PAQR6: variants seen among roughly 807,000 people sequenced by gnomAD.
PAQR6 encodes progestin and adipoQ receptor family member 6, also known as membrane progestin receptor delta.
Under a neutral mutation model 36.2 loss-of-function variants are expected in PAQR6, and 34 were observed. The observed-to-expected ratio is 0.94, with a 90% CI of 0.71 to 1.25. The LOEUF is 1.25. Among genes scored for constraint, PAQR6 ranks in the 50% most tolerant of loss-of-function variants. The pLI, the probability that PAQR6 is intolerant of heterozygous loss-of-function variation, is 0.00. For synonymous variants in PAQR6, 190 were observed against 190.7 expected (o/e 1.00, Z 0.03); for missense variants, 431 against 445.7 (o/e 0.97, Z 0.30).
intron 2 of PAQR6, 108 bp from the exon 3 acceptor site, chr1:156,246,358 C>A: frequency 9.5e-7 from 1 of 1,054,096 alleles, no homozygotes; most frequent in Non-Finnish European, 1.4e-6. Flanking sequence ...ATCAACGTGG[C>A]CCCCAAGCCA....
Position 156,243,970 on chromosome 1 carries a change from C to T in PAQR6, c.*159G>A. On this transcript the variant is annotated 3_prime_UTR_variant, in exon 8 of 8. Coordinates refer to ENST00000292291, the MANE Select transcript of PAQR6 (RefSeq NM_198406.3). ...ACACTCTGCCAGTCCCCCTAGACAC[C>T]CCTCCTCTTCTCTGCCCTCTCTCCT... 1 of 1,614,176 alleles carries T rather than the reference C, an allele frequency of 6.2e-7. No individual in the cohort carries two copies.
Position 156,246,212 on chromosome 1 carries a change from G to C in PAQR6, c.90C>G (p.Arg30=). 1 of 1,613,744 alleles carries C rather than the reference G, an allele frequency of 6.2e-7. No homozygotes were observed. The highest frequency in any genetic ancestry group is 8.5e-7 in the Non-Finnish European group (1 of 1,179,990). The change falls in exon 3 of 8, where the codon CGC becomes CGG. Residue 30 remains arginine, a synonymous_variant. Transcript: ENST00000292291. ...CACAGTCCAAAGCCGAGCTGGTGGG[G>C]CGGCGGTAGCCAGACATGATGCCAT... ...WEDGIMSGYR[R]PTSSALDCVL... is the part of the protein sequence containing the mutation.
chr1:156,245,935 C>G lies in PAQR6; in HGVS notation c.232G>C (p.Glu78Gln). ...ALAGGPGFRAEPYHWPLLVFL... is the reference protein window; with the variant it reads ...ALAGGPGFRAQPYHWPLLVFL... ...ACCAGCAGCGGCCAGTGGTACGGCT[C>G]CGCACGGAAGCCGGGGCCGCCCGCC... Residue 78 changes from glutamate (E) to glutamine (Q), a missense_variant, in exon 4 of 8, where the codon GAG becomes CAG. By Grantham distance (29) the Glu-to-Gln change is conservative. Coordinates refer to ENST00000292291, the MANE Select transcript of PAQR6 (RefSeq NM_198406.3). 6.5e-7 allele frequency: 1 copy of G among 1,545,278 alleles called. No individual in the cohort carries two copies. Among genetic ancestry groups the G allele is most frequent in the Non-Finnish European group, 8.7e-7 (1 of 1,147,154 alleles).
In PAQR6 at chr1:156,246,225, G is replaced by A. The variant is rs774365036; in HGVS notation, c.77C>T (p.Ser26Phe). 1.9e-6 allele frequency: 3 copies of A among 1,613,482 alleles called. No homozygotes were observed. The highest frequency in any genetic ancestry group is 2.5e-6 in the Non-Finnish European group (3 of 1,179,884). The part of the protein sequence containing the change: ...PRVFWEDGIM[S>F]GYRRPTSSAL... ...CGAGCTGGTGGGGCGGCGGTAGCCAGACATGATGCCATCTTCCCAGAACAC... is the reference window on the plus strand; with the variant it reads ...CGAGCTGGTGGGGCGGCGGTAGCCAAACATGATGCCATCTTCCCAGAACAC... Residue 26 changes from serine to phenylalanine, a missense_variant, in exon 3 of 8, where the codon TCT becomes TTT. Ser to Phe is a radical substitution (Grantham distance 155). Coordinates refer to ENST00000292291, the MANE Select transcript of PAQR6 (RefSeq NM_198406.3).
chr1:156,244,392 G>A lies in PAQR6; in HGVS notation c.772C>T (p.Gln258Ter). The A allele has an allele frequency of 2.0e-6, 3 of 1,525,314 alleles. No homozygotes were observed. The South Asian group carries it at 3.6e-5, about 18-fold the overall frequency. 94.5% of individuals were successfully genotyped at this position (1,525,314 alleles called of 1,614,324 possible). A position where few individuals can be genotyped will look rare whatever the true frequency, so the allele number is the denominator to read the frequency against. ...GRFDYIGHSH[Q>*]LFHICAVLGT... Reference sequence around the variant, plus strand: ...AGCACTGCACAGATGTGGAATAACTGGTGGCTGTGGCCTGTGGAGAGGATG... The same window carrying A: ...AGCACTGCACAGATGTGGAATAACTAGTGGCTGTGGCCTGTGGAGAGGATG... The change falls in exon 8 of 8, where the codon CAG becomes TAG. Residue 258 changes from glutamine to a stop codon, truncating the protein, a stop_gained. Transcript: ENST00000292291. LOFTEE classifies it high-confidence loss of function.
intron 4 of PAQR6, 56 bp downstream of exon 4, chr1:156,245,726 C>G (rs1257478877): frequency 1.1e-5 from 17 of 1,575,390 alleles, no homozygotes; most frequent in Non-Finnish European, 1.5e-5. Context: ...CGCGTCCCAC[C>G]CCTCGCCCCG....
rs1371454698 is a variant in PAQR6 at position 156,244,897 on chromosome 1, C to G, written c.624G>C (p.Trp208Cys). 2 of 1,612,758 alleles carry G rather than the reference C, an allele frequency of 1.2e-6. No individual in the cohort carries two copies. Among genetic ancestry groups the G allele is most frequent in the Non-Finnish European group, 1.7e-6 (2 of 1,179,872 alleles). The change falls in exon 7 of 8, where the codon TGG becomes TGC. Residue 208 changes from tryptophan (W) to cysteine (C), a missense_variant. By Grantham distance (215) the Trp-to-Cys change is radical. Transcript: ENST00000292291. The part of the protein sequence containing the change: ...LPLFYRLGLC[W>C]GRGHGCGQEA... Reference sequence around the variant, plus strand: ...CCTGCCCACAGCCGTGGCCCCTGCCCCAGCACAGCCCGAGCTGTCAAAGGA... The same window carrying G: ...CCTGCCCACAGCCGTGGCCCCTGCCGCAGCACAGCCCGAGCTGTCAAAGGA...
intron 1 of PAQR6, 163 bp downstream of exon 1, chr1:156,247,794 G>A (rs1180944716): frequency 6.5e-6 from 2 of 306,714 alleles, no homozygotes; most frequent in Non-Finnish European, 1.4e-5. Flanking sequence ...TGAGGAATAC[G>A]CTGGGGTCTA....
At position 156,244,890 on chromosome 1, in the gene PAQR6, C is replaced by T; in HGVS notation, c.631G>A (p.Gly211Ser). Reference sequence around the variant, plus strand: ...AGGGCCTCCTGCCCACAGCCGTGGCCCCTGCCCCAGCACAGCCCGAGCTGT... The same window carrying T: ...AGGGCCTCCTGCCCACAGCCGTGGCTCCTGCCCCAGCACAGCCCGAGCTGT... ...FYRLGLCWGRGHGCGQEALST... is the reference protein window; with the variant it reads ...FYRLGLCWGRSHGCGQEALST... Residue 211 changes from glycine to serine, a missense_variant, in exon 7 of 8, where the codon GGC becomes AGC. Gly to Ser is a moderately conservative substitution (Grantham distance 56). Transcript: ENST00000292291. 6.2e-7 allele frequency: 1 copy of T among 1,612,902 alleles called. No individual in the cohort carries two copies. Among genetic ancestry groups the T allele is most frequent in the East Asian group, 2.2e-5 (1 of 44,890 alleles).
chr1:156,243,573 C>T lies in PAQR6; in HGVS notation c.*556G>A. 2.0e-6 allele frequency: 1 copy of T among 489,336 alleles called. No homozygotes were observed. Among genetic ancestry groups the T allele is most frequent in the East Asian group, 3.2e-5 (1 of 31,720 alleles). 30.3% of individuals were successfully genotyped at this position (489,336 alleles called of 1,614,324 possible). A position where few individuals can be genotyped will look rare whatever the true frequency, so the allele number is the denominator to read the frequency against. On this transcript the variant is annotated 3_prime_UTR_variant, in exon 8 of 8. Transcript: ENST00000292291. ...CATCCATAATGCACCCAGATAGGCCCACCCCCAAAAGCCTGGACACCTTGA... is the reference window on the plus strand; with the variant it reads ...CATCCATAATGCACCCAGATAGGCCTACCCCCAAAAGCCTGGACACCTTGA...
rs1659658918 is a variant in PAQR6 at position 156,243,626 on chromosome 1, A to C, written c.*503T>G. The C allele has an allele frequency of 5.2e-6, 3 of 573,250 alleles. No individual in the cohort carries two copies. Among genetic ancestry groups the C allele is most frequent in the Non-Finnish European group, 9.1e-6 (3 of 331,234 alleles). The allele number at this position is 573,250 out of a possible 1,614,324, so 35.5% of individuals were successfully genotyped here. A position where few individuals can be genotyped will look rare whatever the true frequency, so the allele number is the denominator to read the frequency against. ...ACACAGTTATGACCAGGACAGACTC[A>C]TCTCTATAGGCAAATAGCTGCTGGC... On this transcript the variant is annotated 3_prime_UTR_variant, in exon 8 of 8. Transcript: ENST00000292291.
In PAQR6 at chr1:156,245,122, G is replaced by A; in HGVS notation, c.609+20C>T. 1.2e-6 allele frequency: 2 copies of A among 1,609,412 alleles called. No homozygotes were observed. Among genetic ancestry groups the A allele is most frequent in the Non-Finnish European group, 1.7e-6 (2 of 1,176,414 alleles). On this transcript the variant is annotated intron_variant, in intron 6 of 7. Transcript: ENST00000292291. The stretch of plus-strand genomic sequence containing the variant: ...GGACAGGAAAGCAGGAGTCTGGGCA[G>A]GGGCCCTAGGCCTCCTTACCCGATA...
rs759082767 is a variant in PAQR6 at position 156,245,786 on chromosome 1, A to G, written c.381T>C (p.Ser127=). 2 of 1,595,298 alleles carry G rather than the reference A, an allele frequency of 1.3e-6. No homozygotes were observed. The highest frequency in any genetic ancestry group is 1.1e-5 in the South Asian group (1 of 88,898). Residue 127 remains serine (S), a synonymous_variant, in exon 4 of 8, where the codon AGT becomes AGC. Transcript: ENST00000292291. ...FLDYGALSLY[S]LGCAFPYAAY... The stretch of plus-strand genomic sequence containing the variant: ...TCCCGCGCCTGTCCGGCTCACCCAG[A>G]CTGTAGAGGCTGAGCGCGCCGTAGT...
At position 156,245,141 on chromosome 1, in the gene PAQR6, C is replaced by A; in HGVS notation, c.609+1G>T. On this transcript the variant is annotated splice_donor_variant, in intron 6 of 7. Coordinates refer to ENST00000292291, the MANE Select transcript of PAQR6 (RefSeq NM_198406.3). LOFTEE classifies it high-confidence loss of function. ...TGGGCAGGGGCCCTAGGCCTCCTTACCCGATAAAAGAGTGGGAGGTTGTCG... is the reference window on the plus strand; with the variant it reads ...TGGGCAGGGGCCCTAGGCCTCCTTAACCGATAAAAGAGTGGGAGGTTGTCG... The A allele has an allele frequency of 6.2e-7, 1 of 1,612,876 alleles. No homozygotes were observed. Among genetic ancestry groups the A allele is most frequent in the Non-Finnish European group, 8.5e-7 (1 of 1,179,122 alleles).
Position 156,245,536 on chromosome 1 carries a change from G to A in PAQR6, c.511C>T (p.Arg171Cys), listed in dbSNP as rs1286166057. Residue 171 changes from arginine (R) to cysteine (C), a missense_variant and splice_region_variant, in exon 5 of 8, where the codon CGT (arginine) becomes TGT (cysteine). Transcript: ENST00000292291. ...FLCTGLSCYS[R>C]FLELESPGLS... ...CACTGGAGGGGCCTGGGAACCCACC[G>A]GGAGTAGCAGGAGAGGCCGGTGCAC... 9 of 1,611,936 alleles carry A rather than the reference G, an allele frequency of 5.6e-6. No individual in the cohort carries two copies. The highest frequency in any genetic ancestry group is 1.3e-5 in the African/African-American group (1 of 74,884).
Position 156,245,645 on chromosome 1 carries a change from A to C in PAQR6, c.402T>G (p.Tyr134Ter). 2 of 1,613,122 alleles carry C rather than the reference A, an allele frequency of 1.2e-6. No individual in the cohort carries two copies. Among genetic ancestry groups the C allele is most frequent in the Non-Finnish European group, 1.7e-6 (2 of 1,179,894 alleles). Residue 134 changes from tyrosine (Y) to a stop codon, truncating the protein, a stop_gained, in exon 5 of 8, where the codon TAT (tyrosine) becomes TAG (stop). Coordinates refer to ENST00000292291, the MANE Select transcript of PAQR6 (RefSeq NM_198406.3). LOFTEE classifies it high-confidence loss of function. ...AGGAGGCCGGCATGGAGTAGGCGGCATAGGGGAAGGCGCAGCCTGCGGTGA... is the reference window on the plus strand; with the variant it reads ...AGGAGGCCGGCATGGAGTAGGCGGCCTAGGGGAAGGCGCAGCCTGCGGTGA... Reference protein sequence around the residue: ...SLYSLGCAFPYAAYSMPASWL... With the variant: ...SLYSLGCAFP
At chr1:156,246,993 C>T (rs1026385712) in intron 1 of PAQR6, among the ~76,000 whole-genome samples, 1 of 152,182 alleles carries the variant, frequency 6.6e-6, no homozygotes, top group African/African-American at 2.4e-5. Flanking sequence ...GGCTTGGCGG[C>T]CTCAGCCCAG....
chr1:156,246,703 A>G lies in PAQR6; in HGVS notation c.29T>C (p.Leu10Pro). 6.2e-7 allele frequency: 1 copy of G among 1,613,864 alleles called. No homozygotes were observed. The highest frequency in any genetic ancestry group is 1.1e-5 in the South Asian group (1 of 91,020). The stretch of plus-strand genomic sequence containing the variant: ...CACCCGGGGGACCTGGTGGACTTGA[A>G]GAAGTTGGGGCAGCTTGAGACTGAG... MLSLKLPQL[L>P]QVHQVPRVFW... The change falls in exon 2 of 8, where the codon CTT (leucine) becomes CCT (proline). Residue 10 changes from leucine (L) to proline (P), a missense_variant. Physicochemically the swap from Leu to Pro is moderately conservative, Grantham distance 98 (BLOSUM62 -3). Coordinates refer to ENST00000292291, the MANE Select transcript of PAQR6 (RefSeq NM_198406.3).
intron 2 of PAQR6, 30 bp downstream of exon 2, chr1:156,246,651 G>A (rs748134443): frequency 3.1e-6 from 5 of 1,611,172 alleles, no homozygotes; most frequent in African/African-American, 2.7e-5. Context: ...GGGAATGGGG[G>A]TTGGTGGGTC....
Sources: gnomAD v4.1 joint callset for allele counts (sites outside exome capture counted in the v4.1 genomes callset) on GRCh38, gnomAD v4.1.1 for gene constraint, MANE v1.5 for transcripts, NCBI Gene and HGNC (gene_info 2026-07-23, HGNC 2026-07-21) for gene names.